SLC13A3: variants seen among roughly 807,000 people sequenced by gnomAD.
SLC13A3 encodes the protein solute carrier family 13 member 3.
A neutral mutation model predicts 59.0 loss-of-function variants in SLC13A3; 40 were observed. The ratio of observed to expected loss-of-function variants is 0.68; its 90% CI spans 0.53 to 0.88. SLC13A3 has a LOEUF of 0.88. SLC13A3 is among the 40% of genes least tolerant of loss of function. The probability of loss-of-function intolerance (pLI) is 0.00; values close to 1 mark genes in which losing one functional copy is unlikely to be tolerated. For missense variants in SLC13A3, 699 were observed against 783.2 expected, an observed-to-expected ratio of 0.89 and a Z score of 1.28; for synonymous variants, 317 against 330.3, an observed-to-expected ratio of 0.96 and a Z score of 0.44.
intron 1 of SLC13A3, among the ~76,000 whole-genome samples, chr20:46,664,079 G>A (rs933045451): frequency 6.6e-6 from 1 of 152,116 alleles, no homozygotes; most frequent in African/African-American, 2.4e-5. Context: ...GCTGCACATT[G>A]GAATCACCTG....
In SLC13A3 at chr20:46,651,198, G is replaced by T. The variant is rs558958797; in HGVS notation, c.111+113C>A. 1.7e-4 allele frequency: 235 copies of T among 1,356,038 alleles called. No individual in the cohort carries two copies. In the African/African-American group the frequency reaches 3.2e-3, roughly 18 times the overall value. The allele number at this position is 1,356,038 out of a possible 1,614,324, so 84.0% of individuals were successfully genotyped here. On this transcript the variant is annotated intron_variant, in intron 1 of 12. Coordinates refer to ENST00000279027, the MANE Select transcript of SLC13A3 (RefSeq NM_022829.6). ...GGTGCAAGGGAGGGAAGGCGAGGGGGTCTGGTGGAGCCTGTCTACACTGGG... is the reference window on the plus strand; with the variant it reads ...GGTGCAAGGGAGGGAAGGCGAGGGGTTCTGGTGGAGCCTGTCTACACTGGG...
chr20:46,563,695 G>GC, intron 11 of SLC13A3, 144 bp from the exon 12 acceptor site: 1 of 825,914 alleles, frequency 1.2e-6, no homozygotes. Context: ...ATAGAGATTG[G>GC]CAGAGTGGCA....
upstream of SLC13A3, among the ~76,000 whole-genome samples, chr20:46,655,072 T>C (rs961630308): frequency 6.6e-6 from 1 of 152,208 alleles, no homozygotes; most frequent in Non-Finnish European, 1.5e-5. Context: ...TTCATTTCTC[T>C]TTCTCTTGAA....
chr20:46,610,328 G>T, intron 3 of SLC13A3, 118 bp downstream of exon 3: 2 of 886,600 alleles, frequency 2.3e-6, no homozygotes, highest in Non-Finnish European at 3.5e-6. Flanking sequence ...AACACCTGAC[G>T]CATAGTAGGT....
At chr20:46,645,101 T>A (rs1004587957) in intron 1 of SLC13A3, among the ~76,000 whole-genome samples, 1 of 152,192 alleles carries the variant, frequency 6.6e-6, no homozygotes, top group Non-Finnish European at 1.5e-5. Flanking sequence ...TGTTCCAGCT[T>A]CTGGAGGCCA....
chr20:46,636,014 C>T (rs2062792098), intron 1 of SLC13A3, among the ~76,000 whole-genome samples: 1 of 152,190 alleles, frequency 6.6e-6, no homozygotes, highest in Non-Finnish European at 1.5e-5. Flanking sequence ...AGGAACTTCC[C>T]ACCCATTTCC....
chr20:46,626,632 C>T (rs1165608330), intron 1 of SLC13A3, among the ~76,000 whole-genome samples: 1 of 152,166 alleles, frequency 6.6e-6, no homozygotes, highest in Non-Finnish European at 1.5e-5. Context: ...TCAGATTTGC[C>T]AGCTGTATGC....
chr20:46,587,634 A>G (rs2062207475), intron 8 of SLC13A3, among the ~76,000 whole-genome samples: 1 of 152,038 alleles, frequency 6.6e-6, no homozygotes, highest in Admixed American at 6.5e-5. Context: ...TTATAGCATA[A>G]CCCTCTCAGT....
intron 1 of SLC13A3, among the ~76,000 whole-genome samples, chr20:46,632,539 G>A (rs544787246): frequency 2.1e-4 from 32 of 151,948 alleles, no homozygotes; most frequent in African/African-American, 4.1e-4. Context: ...GTTATAATCC[G>A]GACCTGATGC....
At chr20:46,632,910 T>TAGATAGACAG (rs1314009715) in intron 1 of SLC13A3, among the ~76,000 whole-genome samples, 2 of 73,634 alleles carry the variant, frequency 2.7e-5, no homozygotes, top group South Asian at 4.9e-4. Context: ...GATAGATAGA[T>TAGATAGACAG]ATATCTATCT....
At chr20:46,609,731 A>G (rs1344211658) in intron 3 of SLC13A3, among the ~76,000 whole-genome samples, 2 of 152,242 alleles carry the variant, frequency 1.3e-5, no homozygotes, top group East Asian at 3.8e-4. Context: ...TAAAAGGAGC[A>G]TAATGCTCAA....
chr20:46,596,322 G>A lies in SLC13A3; in HGVS notation c.629C>T (p.Thr210Ile), dbSNP rs1312716287. 2 of 1,613,998 alleles carry A rather than the reference G, an allele frequency of 1.2e-6. No individual in the cohort carries two copies. The highest frequency in any genetic ancestry group is 1.7e-6 in the Non-Finnish European group (2 of 1,180,004). Residue 210 changes from threonine (T) to isoleucine (I), a missense_variant, in exon 5 of 13, where the codon ACA becomes ATA. Thr to Ile is a moderately conservative substitution (Grantham distance 89, BLOSUM62 -1). Transcript: ENST00000279027. Reference protein sequence around the residue: ...STEAKDHPGETEVPLDLPADS... With the variant: ...STEAKDHPGEIEVPLDLPADS... ...AGCCGGCAGATCCAGTGGAACCTCT[G>A]TCTCCCCAGGGTGGTCTTTGCTTTA...
upstream of SLC13A3, chr20:46,673,823 C>A (rs2063106594): frequency 1.3e-5 from 2 of 152,234 alleles, no homozygotes; most frequent in Non-Finnish European, 2.9e-5. Flanking sequence ...ATGAAACACG[C>A]TCTACATCAT....
chr20:46,675,471 T>C (rs1445247372), intron 1 of SLC13A3, among the ~76,000 whole-genome samples: 2 of 150,108 alleles, frequency 1.3e-5, no homozygotes, highest in Admixed American at 6.6e-5. Flanking sequence ...GTCTCGAACT[T>C]CTGAGCTCAG....
intron 12 of SLC13A3, among the ~76,000 whole-genome samples, chr20:46,561,591 T>G (rs1827345805): frequency 6.6e-6 from 1 of 152,148 alleles, no homozygotes; most frequent in South Asian, 2.1e-4. Flanking sequence ...ATATTAATAA[T>G]ACCGGTTTTC....
chr20:46,578,168 G>A (rs2062097833), intron 9 of SLC13A3, among the ~76,000 whole-genome samples: 1 of 151,552 alleles, frequency 6.6e-6, no homozygotes, highest in Non-Finnish European at 1.5e-5. Context: ...CTGACCTCAT[G>A]ATCCGCCCGC....
intron 1 of SLC13A3, chr20:46,675,897 G>A (rs1201119265): frequency 1.3e-5 from 2 of 151,928 alleles, no homozygotes; most frequent in African/African-American, 2.4e-5. Context: ...GGAACGGAGA[G>A]TAGTTCCAAA....
upstream of SLC13A3, among the ~76,000 whole-genome samples, chr20:46,670,729 C>A (rs1260945491): frequency 1.3e-5 from 2 of 152,106 alleles, no homozygotes; most frequent in African/African-American, 4.8e-5. Flanking sequence ...GAAGAACCAC[C>A]CAACTGAGCC....
intron 1 of SLC13A3, among the ~76,000 whole-genome samples, chr20:46,650,639 CAT>C (rs1284006793): frequency 2.0e-5 from 3 of 152,330 alleles, no homozygotes; most frequent in African/African-American, 4.8e-5. Context: ...CATTTTTACA[CAT>C]GAGTAAACTG....
Sources: allele counts gnomAD v4.1 joint callset (sites outside exome capture counted in the v4.1 genomes callset), GRCh38; gene constraint gnomAD v4.1.1; transcripts MANE v1.5; gene names NCBI Gene and HGNC (gene_info 2026-07-23, HGNC 2026-07-21).